WWOX: variants seen among roughly 807,000 people sequenced by gnomAD.
WWOX encodes the protein WW domain-containing oxidoreductase.
A neutral mutation model predicts 46.2 loss-of-function variants in WWOX; 69 were observed. The observed-to-expected ratio is 1.49, with a 90% CI of 1.23 to 1.82. WWOX has a LOEUF of 1.82. Among genes scored for constraint, WWOX ranks in the 40% most tolerant of loss-of-function variants. The pLI is 0.00. For synonymous variants in WWOX, 359 were observed against 202.6 expected (o/e 1.77, Z -6.56); for missense variants, 919 against 542.6 (o/e 1.69, Z -6.89).
chr16:78,280,238 A>G (rs921666876), intron 5 of WWOX, among the ~76,000 whole-genome samples: 1 of 152,230 alleles, frequency 6.6e-6, no homozygotes, highest in Non-Finnish European at 1.5e-5. Flanking sequence ...TGCTGGGCCT[A>G]GAATTGCATG....
Position 78,348,707 on chromosome 16 carries a change from C to T in WWOX, c.517-38153C>T, listed in dbSNP as rs1407235054. ...TCCTGAGCTCAAGAGATCCACCCGC[C>T]TCTGCCTCCCAAAGTGCTAGGATTA... On this transcript the variant is annotated intron_variant, in intron 5 of 8. Transcript: ENST00000566780. 1.6e-5 allele frequency among the ~76,000 whole-genome samples: 2 copies of T among 121,236 alleles called. 1 individual carries two copies. The highest frequency in any genetic ancestry group is 5.6e-5 in the African/African-American group (2 of 35,692). 79.5% of individuals were successfully genotyped at this position (121,236 alleles called of 152,430 possible).
chr16:79,042,826 A>G (rs1345830499), intron 8 of WWOX, among the ~76,000 whole-genome samples: 1 of 152,214 alleles, frequency 6.6e-6, no homozygotes, highest in African/African-American at 2.4e-5. Context: ...TACCAAAACA[A>G]AACAAGAAAC....
At chr16:79,099,832 G>T (rs1185619534) in intron 8 of WWOX, among the ~76,000 whole-genome samples, 2 of 152,296 alleles carry the variant, frequency 1.3e-5, no homozygotes, top group East Asian at 3.9e-4. Flanking sequence ...TTAAATCAGA[G>T]CAACAGCATG....
chr16:78,579,772 A>C (rs2045001355), intron 8 of WWOX, among the ~76,000 whole-genome samples: 1 of 152,170 alleles, frequency 6.6e-6, no homozygotes, highest in Admixed American at 6.5e-5. Flanking sequence ...AGTTGTGAGA[A>C]ATGAGGAGAT....
chr16:78,357,130 C>T (rs150154773), intron 5 of WWOX, among the ~76,000 whole-genome samples: 1 of 152,244 alleles, frequency 6.6e-6, no homozygotes, highest in Non-Finnish European at 1.5e-5. Context: ...GCCTTCGTGG[C>T]CCCTAGTTTG....
chr16:78,354,644 G>C (rs1457561519), intron 5 of WWOX, among the ~76,000 whole-genome samples: 3 of 151,892 alleles, frequency 2.0e-5, no homozygotes, highest in African/African-American at 7.3e-5. Flanking sequence ...ATTATATTTT[G>C]CCTGATAAAT....
chr16:78,842,402 C>T (rs963342631), intron 8 of WWOX, among the ~76,000 whole-genome samples: 1 of 151,454 alleles, frequency 6.6e-6, no homozygotes, highest in Non-Finnish European at 1.5e-5. Context: ...GCTCGGGAGG[C>T]CAAGATGGGA....
chr16:78,151,864 C>T (rs1038349374), intron 4 of WWOX, among the ~76,000 whole-genome samples: 3 of 152,142 alleles, frequency 2.0e-5, no homozygotes, highest in East Asian at 1.9e-4. Context: ...CTTACGTGCA[C>T]GCTGTTCGGT....
At chr16:78,751,729 G>A (rs924219081) in intron 8 of WWOX, among the ~76,000 whole-genome samples, 9 of 151,208 alleles carry the variant, frequency 6.0e-5, no homozygotes, top group African/African-American at 9.7e-5. Flanking sequence ...TAGACATGTT[G>A]TGATGAAAGA....
intron 8 of WWOX, among the ~76,000 whole-genome samples, chr16:78,562,551 C>T (rs551026063): frequency 2.0e-5 from 3 of 152,300 alleles, no homozygotes; most frequent in Non-Finnish European, 2.9e-5. Context: ...AATGTCTGCC[C>T]TTGGCATTGC....
At chr16:79,152,648 C>A (rs1488095405) in intron 8 of WWOX, among the ~76,000 whole-genome samples, 1 of 149,516 alleles carries the variant, frequency 6.7e-6, no homozygotes, top group Non-Finnish European at 1.5e-5. Flanking sequence ...TCCAGCTTGG[C>A]GACAGAGTGA....
At chr16:78,589,533 GC>G (rs1211106384) in intron 8 of WWOX, among the ~76,000 whole-genome samples, 2 of 152,138 alleles carry the variant, frequency 1.3e-5, no homozygotes, top group African/African-American at 4.8e-5. Context: ...GTCCACCTTG[GC>G]AGAACCTGCA....
intron 8 of WWOX, among the ~76,000 whole-genome samples, chr16:78,755,369 C>A (rs533448685): frequency 7.2e-5 from 11 of 152,300 alleles, no homozygotes; most frequent in African/African-American, 2.6e-4. Flanking sequence ...GCCCAGGACT[C>A]CTGGTCCAGG....
intron 8 of WWOX, among the ~76,000 whole-genome samples, chr16:79,077,100 T>G: frequency 6.6e-6 from 1 of 152,312 alleles, no homozygotes; most frequent in East Asian, 1.9e-4. Context: ...GGTGGCCGGA[T>G]GAGGATTTGA....
chr16:78,910,158 T>TC (rs3085499), intron 8 of WWOX, among the ~76,000 whole-genome samples: 1 of 152,078 alleles, frequency 6.6e-6, no homozygotes, highest in Non-Finnish European at 1.5e-5. Flanking sequence ...ATGCTTTTTC[T>TC]CCCTTTTTGG....
intron 8 of WWOX, among the ~76,000 whole-genome samples, chr16:78,823,939 C>A (rs1001107428): frequency 4.6e-5 from 7 of 152,024 alleles, no homozygotes; most frequent in African/African-American, 1.7e-4. Flanking sequence ...CCATACTGGG[C>A]TAATTTTTGT....
At chr16:78,641,225 T>TC (rs1405857329) in intron 8 of WWOX, among the ~76,000 whole-genome samples, 2 of 151,668 alleles carry the variant, frequency 1.3e-5, no homozygotes, top group African/African-American at 4.8e-5. Context: ...GGTCTAAGTT[T>TC]CCCCCAGGAG....
chr16:78,438,248 A>G (rs2083375339), intron 8 of WWOX, among the ~76,000 whole-genome samples: 1 of 152,122 alleles, frequency 6.6e-6, no homozygotes, highest in Non-Finnish European at 1.5e-5. Context: ...TTATTTTGTA[A>G]TTGAAAAGCA....
At chr16:78,903,197 G>A (rs944639742) in intron 8 of WWOX, among the ~76,000 whole-genome samples, 2 of 152,124 alleles carry the variant, frequency 1.3e-5, no homozygotes, top group African/African-American at 4.8e-5. Context: ...GGCCACTTGG[G>A]GTACACCCCT....
Sources: allele counts gnomAD v4.1 joint callset (sites outside exome capture counted in the v4.1 genomes callset), GRCh38; gene constraint gnomAD v4.1.1; transcripts MANE v1.5; gene names NCBI Gene and HGNC (gene_info 2026-07-23, HGNC 2026-07-21).